The following FANCI variants were observed in gnomAD, a reference collection of about 807,000 sequenced individuals.
FANCI encodes the protein FA complementation group I.
A neutral mutation model predicts 176.1 loss-of-function variants in FANCI; 156 were observed. The ratio of observed to expected loss-of-function variants is 0.89; its 90% CI spans 0.78 to 1.01. The LOEUF (loss-of-function observed/expected upper bound fraction) is 1.01, where lower values mean the gene tolerates loss of function less well. Among genes scored for constraint, FANCI ranks in the 50% least tolerant of loss-of-function variants. The pLI, the probability that FANCI is intolerant of heterozygous loss-of-function variation, is 0.00. For synonymous variants in FANCI, 613 were observed against 541.7 expected (o/e 1.13, Z -1.83); for missense variants, 1,678 against 1,534.1 (o/e 1.09, Z -1.57).
intron 32 of FANCI, 63 bp downstream of exon 32, chr15:89,306,257 A>T (rs2054713901): frequency 2.6e-6 from 4 of 1,522,864 alleles, no homozygotes; most frequent in Non-Finnish European, 1.8e-6. Context: ...GGAGATGAGG[A>T]TGGGGCAGCA....
chr15:89,298,444 A>C (rs1332722938), intron 24 of FANCI, among the ~76,000 whole-genome samples: 2 of 152,214 alleles, frequency 1.3e-5, no homozygotes, highest in African/African-American at 4.8e-5. Flanking sequence ...GAATGGAAAC[A>C]AACAGACAAC....
At position 89,265,412 on chromosome 15, in the gene FANCI, G is replaced by C. The variant is rs997009080; in HGVS notation, c.755+805G>C. 5.3e-5 allele frequency among the ~76,000 whole-genome samples: 8 copies of C among 152,008 alleles called. No homozygotes were observed. In the East Asian group the frequency reaches 1.6e-3, roughly 30 times the overall value. Reference sequence around the variant, plus strand: ...TAGCAGAGACAGGGTTTGCCATGTTGGCCAGGCTGGTCTCAAACTCCTGGC... The same window carrying C: ...TAGCAGAGACAGGGTTTGCCATGTTCGCCAGGCTGGTCTCAAACTCCTGGC... On this transcript the variant is annotated intron_variant, in intron 9 of 37. Coordinates refer to ENST00000310775, the MANE Select transcript of FANCI (RefSeq NM_001113378.2).
intron 35 of FANCI, among the ~76,000 whole-genome samples, chr15:89,313,641 C>T (rs1214223889): frequency 2.0e-5 from 3 of 152,148 alleles, no homozygotes; most frequent in Admixed American, 1.3e-4. Flanking sequence ...TTAGCAATGA[C>T]TACTGAATCC....
chr15:89,296,439 T>G (rs1226551345), intron 24 of FANCI, among the ~76,000 whole-genome samples: 2 of 152,032 alleles, frequency 1.3e-5, no homozygotes, highest in African/African-American at 4.8e-5. Flanking sequence ...GTTTTGTTTT[T>G]GTTTTTGTTT....
chr15:89,305,649 C>T lies in FANCI; in HGVS notation c.3300C>T (p.Asp1100=). 6.2e-7 allele frequency: 1 copy of T among 1,614,176 alleles called. No homozygotes were observed. Residue 1100 remains aspartate (D), a synonymous_variant, in exon 31 of 38, where the codon GAC becomes GAT. Transcript: ENST00000310775. ...CCGAGAAGGTTCTAGAAGAAGTGGA[C>T]TGGCTAATCACCAAGCTTAAGGGAC... The part of the protein sequence containing the change: ...SQAEKVLEEV[D]WLITKLKGQV...
intron 14 of FANCI, 76 bp downstream of exon 14, chr15:89,278,850 A>G (rs997166789): frequency 5.6e-6 from 7 of 1,240,862 alleles, no homozygotes; most frequent in Admixed American, 3.5e-5. Flanking sequence ...TGGTCCTGGG[A>G]AAAAAATTTT....
chr15:89,305,402 C>T lies in FANCI; in HGVS notation c.3248C>T (p.Thr1083Ile), dbSNP rs1446786733. The change falls in exon 30 of 38, where the codon ACT becomes ATT. Residue 1083 changes from threonine to isoleucine, a missense_variant. Physicochemically the swap from Thr to Ile is moderately conservative, Grantham distance 89. This residue lies in a region of FANCI where 1,204 missense variants were observed against 1,077.4 expected (regional missense o/e 1.12). Transcript: ENST00000310775. The part of the protein sequence containing the change: ...AIVNLRTAAP[T>I]VCLLVLSQAE... ...GTGAATTTGAGAACGGCTGCCCCCA[C>T]TGTCTGTGTAAGTGTTGTACCTGAG... The T allele has an allele frequency of 3.1e-6, 5 of 1,613,380 alleles. No homozygotes were observed. Among genetic ancestry groups the T allele is most frequent in the East Asian group, 4.5e-5 (2 of 44,884 alleles).
At chr15:89,244,556 C>T (rs945415575) in intron 1 of FANCI, among the ~76,000 whole-genome samples, 1 of 152,170 alleles carries the variant, frequency 6.6e-6, no homozygotes, top group Non-Finnish European at 1.5e-5. Flanking sequence ...TCTGGTCTTA[C>T]CTCTGGTTTT....
In FANCI at chr15:89,316,471, G is replaced by C. The variant is rs904072621; in HGVS notation, c.*12G>C. ...AAAGGAAAAAATAAATGAAATGCCT[G>C]AGTTAATGTGAACTTTGGGGCTTCT... On this transcript the variant is annotated 3_prime_UTR_variant, in exon 38 of 38. Transcript: ENST00000310775. 2.0e-5 allele frequency: 32 copies of C among 1,603,782 alleles called. No homozygotes were observed. Among genetic ancestry groups the C allele is most frequent in the Non-Finnish European group, 2.6e-5 (31 of 1,174,336 alleles).
intron 3 of FANCI, among the ~76,000 whole-genome samples, chr15:89,259,848 T>C (rs535068874): frequency 9.8e-5 from 15 of 152,378 alleles, no homozygotes; most frequent in African/African-American, 3.6e-4. Context: ...CTGAATAATA[T>C]TCCATTATGT....
chr15:89,258,322 C>A (rs1025480249), intron 2 of FANCI, among the ~76,000 whole-genome samples: 1 of 152,130 alleles, frequency 6.6e-6, no homozygotes, highest in Non-Finnish European at 1.5e-5. Context: ...GGTTCTTTTA[C>A]AATTTTTTTC....
At chr15:89,265,992 T>A (rs1191422710) in intron 9 of FANCI, among the ~76,000 whole-genome samples, 1 of 146,996 alleles carries the variant, frequency 6.8e-6, no homozygotes, top group African/African-American at 2.5e-5. Context: ...AGGTGGTTTC[T>A]TATTTCTTTT....
At chr15:89,313,973 T>TCACACACACACACACACACACACACACA (rs139859584) in intron 35 of FANCI, among the ~76,000 whole-genome samples, 1 of 98,286 alleles carries the variant, frequency 1.0e-5, no homozygotes, top group African/African-American at 4.3e-5. Context: ...AGATATATAA[T>TCACACACACACACACACACACACACACA]CACACACACA....
intron 2 of FANCI, among the ~76,000 whole-genome samples, chr15:89,254,131 G>A (rs1382366868): frequency 6.6e-6 from 1 of 152,182 alleles, no homozygotes; most frequent in Admixed American, 6.5e-5. Context: ...AACTGCGTGG[G>A]TGGATCACTT....
chr15:89,246,322 T>A (rs1317179593), intron 1 of FANCI, among the ~76,000 whole-genome samples: 1 of 152,208 alleles, frequency 6.6e-6, no homozygotes, highest in Non-Finnish European at 1.5e-5. Flanking sequence ...GCATTTGCTG[T>A]TTCTTCTTAC....
rs2055002045 is a variant in FANCI, at chr15:89,312,459, G to A, written c.3652-445G>A. Reference sequence around the variant, plus strand: ...ATTTTTTCCCTATCTTCTAACATCTGTTGCACAGATAGTCCTGTTTACTCC... The same window carrying A: ...ATTTTTTCCCTATCTTCTAACATCTATTGCACAGATAGTCCTGTTTACTCC... On this transcript the variant is annotated intron_variant, in intron 34 of 37. Transcript: ENST00000310775. Among the ~76,000 whole-genome samples, 5 of 152,188 alleles carry A rather than the reference G, an allele frequency of 3.3e-5. No individual in the cohort carries two copies. In the South Asian group the frequency reaches 1.0e-3, roughly 32 times the overall value.
chr15:89,248,615 A>G (rs765548255), intron 2 of FANCI, among the ~76,000 whole-genome samples: 3 of 152,152 alleles, frequency 2.0e-5, no homozygotes, highest in Non-Finnish European at 4.4e-5. Flanking sequence ...CATTCTATAG[A>G]CAAGATTTGA....
chr15:89,296,834 G>A (rs1400940850), intron 24 of FANCI, among the ~76,000 whole-genome samples: 7 of 149,572 alleles, frequency 4.7e-5, no homozygotes, highest in African/African-American at 1.5e-4. Context: ...CCTCCCGGAC[G>A]GGGCGGCTGG....
In FANCI at chr15:89,316,750, G is replaced by T; in HGVS notation, c.*291G>T. The T allele has an allele frequency of 6.2e-7, 1 of 1,609,532 alleles. No homozygotes were observed. The highest frequency in any genetic ancestry group is 8.5e-7 in the Non-Finnish European group (1 of 1,175,748). Reference sequence around the variant, plus strand: ...AGCAAATACAGAGCCTCCAGGCAGTGCTATGGTCCAGGCTGGCTTCGTTTT... The same window carrying T: ...AGCAAATACAGAGCCTCCAGGCAGTTCTATGGTCCAGGCTGGCTTCGTTTT... On this transcript the variant is annotated 3_prime_UTR_variant, in exon 38 of 38. Transcript: ENST00000310775.
Sources: gnomAD v4.1 joint callset for allele counts (sites outside exome capture counted in the v4.1 genomes callset) on GRCh38, gnomAD v4.1.1 for gene constraint, gnomAD v4.1.1 regional missense constraint, MANE v1.5 for transcripts, NCBI Gene and HGNC (gene_info 2026-07-23, HGNC 2026-07-21) for gene names.